Variants in DNHD1 observed in about 807,000 individuals in gnomAD.
DNHD1 encodes the protein dynein heavy chain domain 1, also known as dynein heavy chain domain-containing protein 1.
A neutral mutation model predicts 458.1 loss-of-function variants in DNHD1; 383 were observed. The ratio of observed to expected loss-of-function variants is 0.84; its 90% CI spans 0.77 to 0.91. The LOEUF (loss-of-function observed/expected upper bound fraction) is 0.91. DNHD1 is among the 40% of genes least tolerant of loss of function. DNHD1 has a pLI of 0.00. For missense variants in DNHD1, 5,336 were observed against 5,866.1 expected (o/e 0.91, Z 2.95); for synonymous variants, 2,203 against 2,376.9 (o/e 0.93, Z 2.13).
chr11:6,544,597 A>T lies in DNHD1; in HGVS notation c.3778A>T (p.Thr1260Ser). 1 of 1,551,488 alleles carries T rather than the reference A, an allele frequency of 6.4e-7. No homozygotes were observed. The highest frequency in any genetic ancestry group is 8.7e-7 in the Non-Finnish European group (1 of 1,146,924). ...AGGTGCCCTGCTGGAGGTGTGGCTG[A>T]CTTTCCAGCAGAAGTGGATTTTTCT... ...GLGALLEVWL[T>S]FQQKWIFLNK... The change falls in exon 20 of 43, where the codon ACT becomes TCT. Residue 1260 changes from threonine to serine, a missense_variant. Around this residue, in one of 4 missense-constraint regions of DNHD1, gnomAD observed 3,932 missense variants for 4,365.6 expected, o/e 0.90. Transcript: ENST00000254579.
rs749829970 is a variant in DNHD1 at position 6,567,438 on chromosome 11, G to T, written c.11929G>T (p.Ala3977Ser). 6.2e-7 allele frequency: 1 copy of T among 1,612,162 alleles called. No homozygotes were observed. Among genetic ancestry groups the T allele is most frequent in the Non-Finnish European group, 8.5e-7 (1 of 1,179,178 alleles). ...CCACAGCAAGCCAGTCTCAGATGTG[G>T]CTCGACCGGCCTGGCTTGGGCCAAA... ...TVHSKPVSDV[A>S]RPAWLGPKAW... The change falls in exon 36 of 43, where the codon GCT becomes TCT. Residue 3977 changes from alanine (A) to serine (S), a missense_variant. Physicochemically the swap from Ala to Ser is moderately conservative, Grantham distance 99. Coordinates refer to ENST00000254579, the MANE Select transcript of DNHD1 (RefSeq NM_144666.3).
chr11:6,526,692 C>T (rs1353720295), intron 10 of DNHD1, among the ~76,000 whole-genome samples: 2 of 152,180 alleles, frequency 1.3e-5, no homozygotes, highest in African/African-American at 4.8e-5. Flanking sequence ...TATTGCTGCT[C>T]AATCCTTATT....
intron 7 of DNHD1, 54 bp downstream of exon 7, chr11:6,511,483 G>A: frequency 6.3e-7 from 1 of 1,591,372 alleles, no homozygotes; most frequent in Admixed American, 1.7e-5. Flanking sequence ...GCTCCCCAGA[G>A]TTTCAGCCTC....
chr11:6,531,199 C>G (rs1343156060), intron 12 of DNHD1, among the ~76,000 whole-genome samples: 2 of 152,154 alleles, frequency 1.3e-5, no homozygotes, highest in Non-Finnish European at 2.9e-5. Flanking sequence ...TCTGACTTAA[C>G]TCTGTCGTTT....
chr11:6,571,376 C>T lies in DNHD1; in HGVS notation c.13864C>T (p.Leu4622Phe), dbSNP rs1390628999. 2.5e-6 allele frequency: 4 copies of T among 1,612,086 alleles called. No individual in the cohort carries two copies. Among genetic ancestry groups the T allele is most frequent in the Admixed American group, 1.7e-5 (1 of 59,868 alleles). Reference sequence around the variant, plus strand: ...TAGCCGAGGCTCGGTCTCCAGTCAGCTCCAGTATAAACGTCTGGAGATGAA... The same window carrying T: ...TAGCCGAGGCTCGGTCTCCAGTCAGTTCCAGTATAAACGTCTGGAGATGAA... ...PGSRGSVSSQLQYKRLEMNSN... is the reference protein window; with the variant it reads ...PGSRGSVSSQFQYKRLEMNSN... Residue 4622 changes from leucine (L) to phenylalanine (F), a missense_variant, in exon 42 of 43, where the codon CTC becomes TTC. This residue lies in a region of DNHD1 where 698 missense variants were observed against 664.9 expected (regional missense o/e 1.05). Transcript: ENST00000254579. This position sits in a 1 kb window ranked among gnomAD's most constrained non-coding sequence, Gnocchi z 5.0.
chr11:6,546,746 T>A lies in DNHD1; in HGVS notation c.5807T>A (p.Phe1936Tyr). ...HNLRGLLCAL[F>Y]PSASQVLAEP... ...CTCCGAGGGCTGTTGTGTGCGCTTT[T>A]CCCTAGCGCCAGCCAAGTGCTGGCA... The change falls in exon 21 of 43, where the codon TTC (phenylalanine) becomes TAC (tyrosine). Residue 1936 changes from phenylalanine (F) to tyrosine (Y), a missense_variant. Physicochemically the swap from Phe to Tyr is conservative, Grantham distance 22. Coordinates refer to ENST00000254579, the MANE Select transcript of DNHD1 (RefSeq NM_144666.3). 6.4e-7 allele frequency: 1 copy of A among 1,551,790 alleles called. No individual in the cohort carries two copies. Among genetic ancestry groups the A allele is most frequent in the East Asian group, 2.4e-5 (1 of 40,922 alleles).
At chr11:6,555,765 T>C (rs1853449089) in intron 24 of DNHD1, among the ~76,000 whole-genome samples, 1 of 152,152 alleles carries the variant, frequency 6.6e-6, no homozygotes, top group Non-Finnish European at 1.5e-5. Context: ...GTGATGGAAA[T>C]CCGATCAAAT....
chr11:6,502,772 G>A lies in DNHD1; in HGVS notation c.766G>A (p.Val256Ile). The change falls in exon 4 of 43, where the codon GTT (valine) becomes ATT (isoleucine). Residue 256 changes from valine (V) to isoleucine (I), a missense_variant. Transcript: ENST00000254579. Reference sequence around the variant, plus strand: ...ACACAGGTCTCAGCTTGACTATGAAGTTCCCAGGGAAAAGGCCTTCCAAAA... The same window carrying A: ...ACACAGGTCTCAGCTTGACTATGAAATTCCCAGGGAAAAGGCCTTCCAAAA... The part of the protein sequence containing the change: ...KETRSQLDYE[V>I]PREKAFQKSS... 6.2e-7 allele frequency: 1 copy of A among 1,601,476 alleles called. No homozygotes were observed. The highest frequency in any genetic ancestry group is 1.1e-5 in the South Asian group (1 of 89,174).
Position 6,547,678 on chromosome 11 carries a change from G to A in DNHD1, c.6727+12G>A. ...GGCCCCTGGCCCAGGTGGGAAGATG[G>A]ACGGGCTGGTTTGAGAGAGATGGGG... On this transcript the variant is annotated intron_variant, in intron 21 of 42. Coordinates refer to ENST00000254579, the MANE Select transcript of DNHD1 (RefSeq NM_144666.3). 1 of 1,512,334 alleles carries A rather than the reference G, an allele frequency of 6.6e-7. No homozygotes were observed. Among genetic ancestry groups the A allele is most frequent in the Non-Finnish European group, 8.9e-7 (1 of 1,124,326 alleles). 93.7% of individuals were successfully genotyped at this position (1,512,334 alleles called of 1,614,324 possible).
chr11:6,571,935 C>A lies in DNHD1; in HGVS notation c.14211C>A (p.Pro4737=). 1 of 1,613,930 alleles carries A rather than the reference C, an allele frequency of 6.2e-7. No homozygotes were observed. Among genetic ancestry groups the A allele is most frequent in the Non-Finnish European group, 8.5e-7 (1 of 1,179,832 alleles). Residue 4737 remains proline, a synonymous_variant, in exon 43 of 43, where the codon CCC becomes CCA. Coordinates refer to ENST00000254579, the MANE Select transcript of DNHD1 (RefSeq NM_144666.3). This position sits in a 1 kb window ranked among gnomAD's most constrained non-coding sequence, Gnocchi z 5.0. ...TGCCTTTACCCACCAAGCTCACCCC[C>A]AACACCTGTGTCCAAAGGAGGGTCC... ...MHLPLPTKLT[P]NTCVQRRVHV...
intron 18 of DNHD1, 129 bp downstream of exon 18, chr11:6,540,212 A>C: frequency 1.3e-6 from 1 of 764,624 alleles, no homozygotes; most frequent in Non-Finnish European, 2.1e-6. Context: ...AGCCTAAGAC[A>C]TTAGTCTGTT....
chr11:6,522,449 A>G (rs1852622738), intron 10 of DNHD1, among the ~76,000 whole-genome samples: 1 of 152,164 alleles, frequency 6.6e-6, no homozygotes, highest in Admixed American at 6.5e-5. Context: ...GGAACAACAG[A>G]CACTGGAGCC....
rs1416668681 is a variant in DNHD1 at position 6,551,916 on chromosome 11, T to TG, written c.7387+2985dup. 2.2e-5 allele frequency among the ~76,000 whole-genome samples: 3 copies of TG among 134,448 alleles called. 1 individual carries two copies. Among genetic ancestry groups the TG allele is most frequent in the South Asian group, 2.5e-4 (1 of 3,954 alleles). 88.2% of individuals were successfully genotyped at this position (134,448 alleles called of 152,430 possible). On this transcript the variant is annotated intron_variant, in intron 24 of 42. Transcript: ENST00000254579. The stretch of plus-strand genomic sequence containing the variant: ...AGATTTGCACCACTGCACTCCAGCC[T>TG]GGTGACAGAGCGAGACTCCGTCTCC...
intron 7 of DNHD1, among the ~76,000 whole-genome samples, chr11:6,517,149 A>C (rs970116037): frequency 6.6e-6 from 1 of 152,222 alleles, no homozygotes; most frequent in African/African-American, 2.4e-5. Context: ...GCCTTTTAAA[A>C]ATAAAATTGA....
chr11:6,510,613 T>C (rs1364698575), intron 6 of DNHD1, among the ~76,000 whole-genome samples: 3 of 152,184 alleles, frequency 2.0e-5, no homozygotes, highest in Non-Finnish European at 4.4e-5. Flanking sequence ...GAGCCTCAGT[T>C]TCCTGATCTT....
intron 24 of DNHD1, among the ~76,000 whole-genome samples, chr11:6,555,862 A>C (rs1490233079): frequency 6.6e-6 from 1 of 152,232 alleles, no homozygotes; most frequent in African/African-American, 2.4e-5. Context: ...AATGTTCTAA[A>C]TATCATTGGG....
chr11:6,537,882 G>C (rs1852992666), intron 14 of DNHD1, among the ~76,000 whole-genome samples: 1 of 151,988 alleles, frequency 6.6e-6, no homozygotes, highest in Non-Finnish European at 1.5e-5. Context: ...AGTGAGCCGA[G>C]ATCACGCCAC....
At chr11:6,528,820 C>T (rs1800789743) in intron 11 of DNHD1, 33 bp downstream of exon 11, 1 of 1,549,948 alleles carries the variant, frequency 6.5e-7, no homozygotes, top group South Asian at 1.2e-5. Flanking sequence ...TAGGGCGCTG[C>T]CCACCAATTC....
At chr11:6,560,275 T>C (rs952104472) in intron 28 of DNHD1, among the ~76,000 whole-genome samples, 3 of 152,210 alleles carry the variant, frequency 2.0e-5, no homozygotes, top group Non-Finnish European at 4.4e-5. Context: ...CCAGCTCTTC[T>C]GATAAGTGCC....
Sources: gnomAD v4.1 joint callset for allele counts (sites outside exome capture counted in the v4.1 genomes callset) on GRCh38, gnomAD v4.1.1 for gene constraint, gnomAD v4.1.1 regional missense constraint, Gnocchi (gnomAD v3.1) non-coding constraint, MANE v1.5 for transcripts, NCBI Gene and HGNC (gene_info 2026-07-23, HGNC 2026-07-21) for gene names.